Variants in SSBP3 observed in about 807,000 individuals in gnomAD.
SSBP3 encodes the protein single stranded DNA binding protein 3.
In SSBP3, 5 loss-of-function variants were observed where a neutral mutation model predicts 69.6. The ratio of observed to expected loss-of-function variants is 0.07; its 90% CI spans 0.04 to 0.15. The LOEUF is 0.15. Ranked by LOEUF, SSBP3 falls within the 10% of genes least tolerant of loss-of-function variation. The pLI is 1.00. For synonymous variants in SSBP3, 196 were observed against 193.4 expected (o/e 1.01, Z -0.11); for missense variants, 312 against 534.0 (o/e 0.58, Z 4.10).
In SSBP3 at chr1:54,296,478, G is replaced by A. The variant is rs780696245; in HGVS notation, c.277-14951C>T. 3.6e-4 allele frequency among the ~76,000 whole-genome samples: 55 copies of A among 152,212 alleles called. 2 individuals carry two copies. Among genetic ancestry groups the A allele is most frequent in the Non-Finnish European group, 1.2e-4 (8 of 68,034 alleles). Reference sequence around the variant, plus strand: ...ACAGGAATTATTAATTTAAATTTGGGCCTTCGGTAACTTTGAATCTACAAC... The same window carrying A: ...ACAGGAATTATTAATTTAAATTTGGACCTTCGGTAACTTTGAATCTACAAC... On this transcript the variant is annotated intron_variant, in intron 4 of 17. Transcript: ENST00000610401.
chr1:54,369,476 G>A (rs1302117512), intron 4 of SSBP3, among the ~76,000 whole-genome samples: 4 of 152,258 alleles, frequency 2.6e-5, no homozygotes, highest in Non-Finnish European at 4.4e-5. Context: ...GCAAGAAATC[G>A]GCTAATGTTT....
At chr1:54,288,509 C>G (rs1300993299) in intron 4 of SSBP3, among the ~76,000 whole-genome samples, 1 of 149,980 alleles carries the variant, frequency 6.7e-6, no homozygotes, top group African/African-American at 2.4e-5. Flanking sequence ...TGTCTGCCAC[C>G]TGGGTATGAC....
intron 10 of SSBP3, 63 bp downstream of exon 10, chr1:54,243,172 T>A: frequency 6.8e-7 from 1 of 1,468,228 alleles, no homozygotes. Context: ...TCTCCCAGGG[T>A]GCTGGCAGAG....
At chr1:54,362,695 T>C (rs1172683704) in intron 4 of SSBP3, among the ~76,000 whole-genome samples, 1 of 152,184 alleles carries the variant, frequency 6.6e-6, no homozygotes, top group Non-Finnish European at 1.5e-5. Flanking sequence ...AAATCTAACC[T>C]TTTTCTTAGA....
At chr1:54,399,873 C>T (rs1277540278) in intron 4 of SSBP3, among the ~76,000 whole-genome samples, 10 of 152,160 alleles carry the variant, frequency 6.6e-5, no homozygotes, top group Admixed American at 6.5e-4. Flanking sequence ...CCCCTTAACG[C>T]CTTCATAATC....
Position 54,360,935 on chromosome 1 carries a change from A to T in SSBP3, c.276+40926T>A, listed in dbSNP as rs547729494. On this transcript the variant is annotated intron_variant, in intron 4 of 17. Transcript: ENST00000610401. ...TCTCTACTTAAAAAAAAAAAAAAAA[A>T]ATCTGCCAGATGTGGCAAGGGGTAC... 5.7e-3 allele frequency among the ~76,000 whole-genome samples: 866 copies of T among 151,724 alleles called. 13 individuals carry two copies. Among genetic ancestry groups the T allele is most frequent in the African/African-American group, 0.02 (829 of 41,342 alleles).
chr1:54,316,652 AAAAAAAAT>A lies in SSBP3; in HGVS notation c.277-35133_277-35126del, dbSNP rs1156284321. On this transcript the variant is annotated intron_variant, in intron 4 of 17. Transcript: ENST00000610401. Reference sequence around the variant, plus strand: ...GACAGAGCGAGACTCCGTCTCAAAAAAAAAAAATAAAATAAATAAATAAATAAATAAAT... The same window carrying A: ...GACAGAGCGAGACTCCGTCTCAAAAAAAAATAAATAAATAAATAAATAAAT... Among the ~76,000 whole-genome samples the A allele has an allele frequency of 7.6e-3, 390 of 51,028 alleles. 36 individuals carry two copies. The highest frequency in any genetic ancestry group is 0.046 in the African/African-American group (331 of 7,178). 33.5% of individuals were successfully genotyped at this position (51,028 alleles called of 152,430 possible).
At chr1:54,241,031 C>T in intron 12 of SSBP3, 72 bp from the exon 13 acceptor site, 2 of 1,517,328 alleles carry the variant, frequency 1.3e-6, no homozygotes, top group Admixed American at 3.9e-5. Flanking sequence ...GGCATCCTCC[C>T]TCCCTGGTCA....
intron 14 of SSBP3, among the ~76,000 whole-genome samples, chr1:54,235,785 G>A (rs564156693): frequency 1.3e-5 from 2 of 152,240 alleles, no homozygotes; most frequent in South Asian, 2.1e-4. Flanking sequence ...AAGCACAATG[G>A]ATGTTATAAA....
At chr1:54,302,544 T>C (rs1645822153) in intron 4 of SSBP3, among the ~76,000 whole-genome samples, 2 of 152,206 alleles carry the variant, frequency 1.3e-5, no homozygotes, top group Non-Finnish European at 2.9e-5. Flanking sequence ...CTTAGCATAA[T>C]GTTGATGTGT....
intron 9 of SSBP3, among the ~76,000 whole-genome samples, chr1:54,247,103 C>T (rs1324827258): frequency 6.6e-6 from 1 of 152,228 alleles, no homozygotes; most frequent in African/African-American, 2.4e-5. Flanking sequence ...CTTTGCACTC[C>T]GCCAGGTCCA....
At chr1:54,243,721 A>T (rs1474486369) in intron 9 of SSBP3, among the ~76,000 whole-genome samples, 1 of 152,098 alleles carries the variant, frequency 6.6e-6, no homozygotes, top group African/African-American at 2.4e-5. Flanking sequence ...GTCAATGTGG[A>T]TGGGAGCAGG....
At chr1:54,319,260 G>A (rs1404180616) in intron 4 of SSBP3, among the ~76,000 whole-genome samples, 2 of 152,134 alleles carry the variant, frequency 1.3e-5, no homozygotes, top group African/African-American at 2.4e-5. Context: ...TCTAAATGAT[G>A]AGCCAGATAG....
At chr1:54,384,738 G>T (rs1413338043) in intron 4 of SSBP3, among the ~76,000 whole-genome samples, 1 of 152,182 alleles carries the variant, frequency 6.6e-6, no homozygotes. Flanking sequence ...AAAATACACA[G>T]ATGTCTTTTT....
At chr1:54,228,982 G>A (rs1644335475) in intron 14 of SSBP3, 156 bp from the exon 15 acceptor site, 2 of 752,456 alleles carry the variant, frequency 2.7e-6, no homozygotes, top group Non-Finnish European at 4.4e-6. Context: ...CTGGCAGCTG[G>A]GCCAGGGTCC....
At chr1:54,291,021 A>G (rs1397548126) in intron 4 of SSBP3, among the ~76,000 whole-genome samples, 1 of 152,204 alleles carries the variant, frequency 6.6e-6, no homozygotes, top group Non-Finnish European at 1.5e-5. Flanking sequence ...GCTCCTTAAC[A>G]AGAACACTGG....
intron 4 of SSBP3, among the ~76,000 whole-genome samples, chr1:54,294,071 C>T (rs1225016061): frequency 7.4e-6 from 1 of 134,478 alleles, no homozygotes; most frequent in Non-Finnish European, 1.5e-5. Flanking sequence ...ACCCAGGAGG[C>T]GGAGGTTGCA....
chr1:54,329,152 G>A (rs1646361976), intron 4 of SSBP3, among the ~76,000 whole-genome samples: 1 of 152,090 alleles, frequency 6.6e-6, no homozygotes, highest in Admixed American at 6.5e-5. Flanking sequence ...CTATTCCCCT[G>A]CCCCCACCCA....
chr1:54,342,048 G>A (rs1310005669), intron 4 of SSBP3, among the ~76,000 whole-genome samples: 1 of 152,220 alleles, frequency 6.6e-6, no homozygotes, highest in Non-Finnish European at 1.5e-5. Flanking sequence ...ACCACACTGT[G>A]TAAGGCCACG....
Sources: allele counts gnomAD v4.1 joint callset (sites outside exome capture counted in the v4.1 genomes callset), GRCh38; gene constraint gnomAD v4.1.1; transcripts MANE v1.5; gene names NCBI Gene and HGNC (gene_info 2026-07-23, HGNC 2026-07-21).